The following ZFP91 variants were observed in gnomAD, a reference collection of about 807,000 sequenced individuals.
ZFP91 encodes E3 ubiquitin-protein ligase ZFP91.
ZFP91 carries 7 observed loss-of-function variants against 63.5 expected under a neutral mutation model. That is an observed-to-expected ratio of 0.11 (90% CI 0.06 to 0.21). The LOEUF is 0.21. Among genes scored for constraint, ZFP91 ranks in the 10% least tolerant of loss-of-function variants. The pLI is 1.00. For missense variants in ZFP91, 628 were observed against 736.6 expected (o/e 0.85, Z 1.71); for synonymous variants, 330 against 272.1 (o/e 1.21, Z -2.10).
intron 2 of ZFP91, among the ~76,000 whole-genome samples, chr11:58,601,336 G>A (rs1855487331): frequency 6.6e-6 from 1 of 152,122 alleles, no homozygotes; most frequent in African/African-American, 2.4e-5. Context: ...TTGGTAATTT[G>A]TGTGTGCCTA....
intron 7 of ZFP91, 65 bp downstream of exon 7, chr11:58,612,393 T>G (rs1855680469): frequency 6.6e-7 from 1 of 1,526,448 alleles, no homozygotes; most frequent in Non-Finnish European, 9.0e-7. Context: ...ACTCACAAAT[T>G]TAGACTTCAT....
rs1229109847 is a variant in ZFP91, at chr11:58,621,094, CAT to C, written c.*3389_*3390del. 10 of 152,734 alleles carry C rather than the reference CAT, an allele frequency of 6.5e-5. No homozygotes were observed. The highest frequency in any genetic ancestry group is 2.0e-4 in the Admixed American group (3 of 15,286). The allele number at this position is 152,734 out of a possible 1,614,324, so 9.5% of individuals were successfully genotyped here. ...AGTTACAGTTATCCTAGGGGTGAAA[CAT>C]GTGATGCTGCTAAGCAAACCAAATG... On this transcript the variant is annotated 3_prime_UTR_variant, in exon 11 of 11. Coordinates refer to ENST00000316059, the MANE Select transcript of ZFP91 (RefSeq NM_053023.5).
In ZFP91 at chr11:58,579,387, G is replaced by A; in HGVS notation, c.106G>A (p.Ala36Thr). 2 of 1,478,578 alleles carry A rather than the reference G, an allele frequency of 1.4e-6. No homozygotes were observed. The highest frequency in any genetic ancestry group is 1.8e-6 in the Non-Finnish European group (2 of 1,120,704). 91.6% of individuals were successfully genotyped at this position (1,478,578 alleles called of 1,614,324 possible). Reference sequence around the variant, plus strand: ...GGAGCCCCAACAACGGCCCCCTGAGGCGGTCGCGGCGGCGCCTGCAGGGAC... The same window carrying A: ...GGAGCCCCAACAACGGCCCCCTGAGACGGTCGCGGCGGCGCCTGCAGGGAC... ...PEEPQQRPPE[A>T]VAAAPAGTTS... Residue 36 changes from alanine to threonine, a missense_variant, in exon 1 of 11, where the codon GCG becomes ACG. Around this residue, in one of 3 missense-constraint regions of ZFP91, gnomAD observed 437 missense variants for 380.3 expected, o/e 1.15. Transcript: ENST00000316059.
intron 2 of ZFP91, among the ~76,000 whole-genome samples, chr11:58,595,777 A>C (rs906177692): frequency 6.6e-6 from 1 of 152,000 alleles, no homozygotes; most frequent in African/African-American, 2.4e-5. Flanking sequence ...GGGTTTCATC[A>C]TGTTGGCGAG....
intron 5 of ZFP91, chr11:58,611,336 T>A (rs1437748466): frequency 6.1e-6 from 3 of 493,156 alleles, no homozygotes; most frequent in African/African-American, 6.0e-5. Context: ...TAGAATTTTT[T>A]AACTAATTGT....
chr11:58,587,257 A>G (rs540699628), intron 2 of ZFP91, among the ~76,000 whole-genome samples: 1 of 152,314 alleles, frequency 6.6e-6, no homozygotes, highest in Admixed American at 6.5e-5. Flanking sequence ...AATTCATTCA[A>G]CAGGTAATTG....
chr11:58,586,989 T>G (rs913269210), intron 2 of ZFP91, among the ~76,000 whole-genome samples: 1 of 152,192 alleles, frequency 6.6e-6, no homozygotes, highest in African/African-American at 2.4e-5. Flanking sequence ...ATGCCTTCTT[T>G]GAGTTGAAGA....
At position 58,617,943 on chromosome 11, in the gene ZFP91, A is replaced by C. The variant is rs1223352800; in HGVS notation, c.*237A>C. On this transcript the variant is annotated 3_prime_UTR_variant, in exon 11 of 11. Coordinates refer to ENST00000316059, the MANE Select transcript of ZFP91 (RefSeq NM_053023.5). The surrounding 1 kb of genome is among the most constrained non-coding windows in gnomAD (Gnocchi z 4.2). ...TTTACCAGAAAGGTAGACAAAAAAG[A>C]AGCAGCAGCAGCTCTTAAAGTGAGG... The C allele has an allele frequency of 1.4e-5, 6 of 430,630 alleles. No individual in the cohort carries two copies. Among genetic ancestry groups the C allele is most frequent in the African/African-American group, 2.0e-5 (1 of 48,912 alleles). The allele number at this position is 430,630 out of a possible 1,614,324, so 26.7% of individuals were successfully genotyped here.
At chr11:58,596,329 C>T (rs1025346008) in intron 2 of ZFP91, among the ~76,000 whole-genome samples, 5 of 152,102 alleles carry the variant, frequency 3.3e-5, no homozygotes, top group African/African-American at 7.2e-5. Flanking sequence ...GAACATTTGG[C>T]GTAGCTTTAC....
At chr11:58,616,885 A>C (rs1364071423) in intron 10 of ZFP91, 70 bp downstream of exon 10, 2 of 1,433,948 alleles carry the variant, frequency 1.4e-6, no homozygotes, top group Non-Finnish European at 2.0e-6. Flanking sequence ...TTGCCGCTTT[A>C]CAAACATATT....
At chr11:58,586,159 G>A (rs1855205559) in intron 2 of ZFP91, among the ~76,000 whole-genome samples, 1 of 152,160 alleles carries the variant, frequency 6.6e-6, no homozygotes, top group East Asian at 1.9e-4. Context: ...AGAAAATATA[G>A]AGACAGGTAA....
chr11:58,583,576 T>C (rs1180535364), intron 1 of ZFP91, among the ~76,000 whole-genome samples: 4 of 152,054 alleles, frequency 2.6e-5, no homozygotes, highest in Non-Finnish European at 4.4e-5. Context: ...ATCAGGATCT[T>C]AATCAGTATG....
chr11:58,582,174 C>T (rs978039968), intron 1 of ZFP91, among the ~76,000 whole-genome samples: 5 of 152,054 alleles, frequency 3.3e-5, no homozygotes, highest in African/African-American at 1.2e-4. Flanking sequence ...TCTTCAAGGA[C>T]CTTGGGGTGT....
intron 6 of ZFP91, 86 bp downstream of exon 6, chr11:58,611,824 G>T: frequency 6.9e-7 from 1 of 1,457,462 alleles, no homozygotes; most frequent in South Asian, 1.5e-5. Flanking sequence ...GAAGGATGTT[G>T]ACGTATACAT....
chr11:58,614,011 C>T (rs899130548), intron 8 of ZFP91, among the ~76,000 whole-genome samples: 1 of 151,994 alleles, frequency 6.6e-6, no homozygotes, highest in Non-Finnish European at 1.5e-5. Context: ...ATATTTGTCT[C>T]CTAAGATTAC....
chr11:58,610,253 T>C, intron 3 of ZFP91, 45 bp from the exon 4 acceptor site: 6 of 1,570,270 alleles, frequency 3.8e-6, no homozygotes, highest in Middle Eastern at 1.7e-4. Context: ...GAAAATATCT[T>C]ATATCTACAC....
intron 9 of ZFP91, among the ~76,000 whole-genome samples, chr11:58,615,698 C>A (rs1247345060): frequency 1.3e-5 from 2 of 152,166 alleles, no homozygotes; most frequent in African/African-American, 4.8e-5. Flanking sequence ...CCAGCATTGA[C>A]ATCATTTGGG....
At chr11:58,600,110 T>G (rs1479255572) in intron 2 of ZFP91, among the ~76,000 whole-genome samples, 1 of 152,094 alleles carries the variant, frequency 6.6e-6, no homozygotes, top group East Asian at 1.9e-4. Context: ...GTGTTGAAAT[T>G]GAGAAGAAAA....
In ZFP91 at chr11:58,620,622, T is replaced by C. The variant is rs928020930; in HGVS notation, c.*2916T>C. 1 of 152,610 alleles carries C rather than the reference T, an allele frequency of 6.6e-6. No homozygotes were observed. The highest frequency in any genetic ancestry group is 1.5e-5 in the Non-Finnish European group (1 of 68,026). The allele number at this position is 152,610 out of a possible 1,614,324, so 9.5% of individuals were successfully genotyped here. ...GGAGTAAAATAAAAATATCGAGGTA[T>C]AGACTAGCATCCACATAGAGCACTT... On this transcript the variant is annotated 3_prime_UTR_variant, in exon 11 of 11. Transcript: ENST00000316059.
Sources: gnomAD v4.1 joint callset for allele counts (sites outside exome capture counted in the v4.1 genomes callset) on GRCh38, gnomAD v4.1.1 for gene constraint, gnomAD v4.1.1 regional missense constraint, Gnocchi (gnomAD v3.1) non-coding constraint, MANE v1.5 for transcripts, NCBI Gene and HGNC (gene_info 2026-07-23, HGNC 2026-07-21) for gene names.